RIMS1: variants seen among roughly 807,000 people sequenced by gnomAD.
RIMS1 encodes the protein regulating synaptic membrane exocytosis protein 1.
In RIMS1, 83 loss-of-function variants were observed where a neutral mutation model predicts 214.1. The observed-to-expected ratio is 0.39, with a 90% CI of 0.32 to 0.47. The LOEUF (loss-of-function observed/expected upper bound fraction) is 0.47, where lower values mean the gene tolerates loss of function less well. Ranked by LOEUF, RIMS1 falls within the 20% of genes least tolerant of loss-of-function variation. The pLI, the probability that RIMS1 is intolerant of heterozygous loss-of-function variation, is 0.99. For synonymous variants in RIMS1, 793 were observed against 786.8 expected (o/e 1.01, Z -0.13); for missense variants, 2,050 against 2,161.8 (o/e 0.95, Z 1.03).
intron 4 of RIMS1, among the ~76,000 whole-genome samples, chr6:72,158,469 T>G (rs2044757814): frequency 7.2e-6 from 1 of 139,462 alleles, no homozygotes; most frequent in African/African-American, 2.5e-5. Flanking sequence ...GCAGGTTTGT[T>G]ACATATGTAT....
intron 4 of RIMS1, among the ~76,000 whole-genome samples, chr6:72,120,962 T>C (rs1379291570): frequency 6.6e-6 from 1 of 151,930 alleles, no homozygotes; most frequent in East Asian, 1.9e-4. Context: ...TAGATGGTTG[T>C]AGATATGTGG....
chr6:72,080,074 TAA>T (rs770845471), intron 2 of RIMS1, among the ~76,000 whole-genome samples: 3,684 of 21,918 alleles, frequency 0.17, 35 homozygotes, highest in Non-Finnish European at 0.22. Context: ...GTGTCTCTAC[TAA>T]AAAAAAAAAA....
chr6:72,176,459 AT>A (rs1442531230), intron 4 of RIMS1, among the ~76,000 whole-genome samples: 3 of 152,032 alleles, frequency 2.0e-5, no homozygotes, highest in Non-Finnish European at 2.9e-5. Context: ...AATCTTATAT[AT>A]TTTTCTTTAT....
chr6:72,335,145 A>C (rs1412232013), intron 29 of RIMS1, among the ~76,000 whole-genome samples: 1 of 151,786 alleles, frequency 6.6e-6, no homozygotes, highest in Non-Finnish European at 1.5e-5. Flanking sequence ...ACGTGCCGTG[A>C]TGGTTTGCTG....
At chr6:72,111,221 T>C (rs1205333440) in intron 4 of RIMS1, among the ~76,000 whole-genome samples, 2 of 152,202 alleles carry the variant, frequency 1.3e-5, no homozygotes, top group Non-Finnish European at 1.5e-5. Flanking sequence ...GTTTCTCAGC[T>C]ACCTACTTTG....
chr6:72,341,153 A>T lies in RIMS1; in HGVS notation c.4366+7318A>T, dbSNP rs138172837. On this transcript the variant is annotated intron_variant, in intron 29 of 33. Coordinates refer to ENST00000521978, the MANE Select transcript of RIMS1 (RefSeq NM_014989.7). Reference sequence around the variant, plus strand: ...GATTTTGTATCCTGAGACTTTGCTGAAGTTGTTTACAGCTTAAGGAGATTT... The same window carrying T: ...GATTTTGTATCCTGAGACTTTGCTGTAGTTGTTTACAGCTTAAGGAGATTT... Among the ~76,000 whole-genome samples, 474 of 152,138 alleles carry T rather than the reference A, an allele frequency of 3.1e-3. 3 individuals carry two copies. The highest frequency in any genetic ancestry group is 0.01 in the African/African-American group (435 of 41,534).
At chr6:72,333,076 G>T (rs886965898) in intron 28 of RIMS1, among the ~76,000 whole-genome samples, 2 of 151,854 alleles carry the variant, frequency 1.3e-5, no homozygotes, top group East Asian at 3.9e-4. Flanking sequence ...TTTAGTTTTT[G>T]CTTTCTTTGC....
rs190023733 is a variant in RIMS1 at position 72,250,318 on chromosome 6, C to T, written c.2242-12C>T. 180 of 1,594,988 alleles carry T rather than the reference C, an allele frequency of 1.1e-4. 2 individuals are homozygous for T. The East Asian group carries it at 3.6e-3, about 32-fold the overall frequency. On this transcript the variant is annotated splice_polypyrimidine_tract_variant and intron_variant, in intron 12 of 33. Transcript: ENST00000521978. ...GATTTTTACAAATAATTCCTTTCCTCATTGCTCCTAGGTGAAGTTGTGGTA... is the reference window on the plus strand; with the variant it reads ...GATTTTTACAAATAATTCCTTTCCTTATTGCTCCTAGGTGAAGTTGTGGTA...
intron 4 of RIMS1, among the ~76,000 whole-genome samples, chr6:72,177,689 CTTA>C (rs1466208230): frequency 1.3e-5 from 2 of 152,168 alleles, no homozygotes; most frequent in African/African-American, 4.8e-5. Flanking sequence ...TTCAAACTTT[CTTA>C]TTATGGTCTG....
chr6:71,943,414 C>T (rs2151037148), intron 1 of RIMS1, among the ~76,000 whole-genome samples: 1 of 152,284 alleles, frequency 6.6e-6, no homozygotes, highest in Admixed American at 6.5e-5. Flanking sequence ...CCCAAAGACT[C>T]ATCATTCTGA....
chr6:72,319,805 T>C (rs2096048373), intron 28 of RIMS1, among the ~76,000 whole-genome samples: 1 of 152,074 alleles, frequency 6.6e-6, no homozygotes, highest in African/African-American at 2.4e-5. Flanking sequence ...TGGATTTTCA[T>C]ACAAGTGTAA....
chr6:72,240,630 C>CTTTTTTTTTTTTTTTTTTTTTTTTTTT, intron 9 of RIMS1, among the ~76,000 whole-genome samples: 2 of 82,464 alleles, frequency 2.4e-5, no homozygotes, highest in Non-Finnish European at 4.5e-5. Context: ...TTTCTTTTTT[C>CTTTTTTTTTTTTTTTTTTTTTTTTTTT]TTTTTTTTTT....
intron 4 of RIMS1, among the ~76,000 whole-genome samples, chr6:72,138,216 T>C (rs1479132273): frequency 1.3e-5 from 2 of 152,212 alleles, no homozygotes; most frequent in Non-Finnish European, 2.9e-5. Context: ...CATCATTTTC[T>C]TTAAAGAAGT....
At chr6:72,280,892 G>A (rs1198936871) in intron 23 of RIMS1, among the ~76,000 whole-genome samples, 1 of 152,194 alleles carries the variant, frequency 6.6e-6, no homozygotes, top group Non-Finnish European at 1.5e-5. Flanking sequence ...CTAGTTCTGT[G>A]TAATACTACA....
At chr6:71,955,124 C>G (rs958865146) in intron 1 of RIMS1, among the ~76,000 whole-genome samples, 1 of 151,882 alleles carries the variant, frequency 6.6e-6, no homozygotes, top group Non-Finnish European at 1.5e-5. Flanking sequence ...TAGATTATCA[C>G]TAATTTTAAG....
chr6:72,072,931 G>A (rs1830914346), intron 2 of RIMS1, among the ~76,000 whole-genome samples: 5 of 152,182 alleles, frequency 3.3e-5, no homozygotes, highest in Admixed American at 3.3e-4. Context: ...GAGCCCTCAT[G>A]CAGAGCAGAA....
chr6:72,129,892 C>G (rs1167151496), intron 4 of RIMS1, among the ~76,000 whole-genome samples: 1 of 152,084 alleles, frequency 6.6e-6, no homozygotes, highest in Non-Finnish European at 1.5e-5. Flanking sequence ...CAGTGCAAAA[C>G]TAGATCATTT....
intron 1 of RIMS1, among the ~76,000 whole-genome samples, chr6:71,937,309 A>G (rs543616042): frequency 1.4e-4 from 22 of 152,296 alleles, no homozygotes; most frequent in African/African-American, 5.1e-4. Context: ...CACCCAGGCT[A>G]GAGTGCACTG....
chr6:71,941,034 A>G (rs1425823243), intron 1 of RIMS1, among the ~76,000 whole-genome samples: 3 of 152,142 alleles, frequency 2.0e-5, no homozygotes, highest in Non-Finnish European at 4.4e-5. Flanking sequence ...GTTGAGGAGA[A>G]CCTTAAGGCT....
Sources: allele counts gnomAD v4.1 joint callset (sites outside exome capture counted in the v4.1 genomes callset), GRCh38; gene constraint gnomAD v4.1.1; transcripts MANE v1.5; gene names NCBI Gene and HGNC (gene_info 2026-07-23, HGNC 2026-07-21).